ACTR3C: variants seen among roughly 807,000 people sequenced by gnomAD.
The protein encoded by ACTR3C is actin-related protein 3C.
In ACTR3C, 18 loss-of-function variants were observed where a neutral mutation model predicts 26.3. That is an observed-to-expected ratio of 0.68 (90% confidence interval 0.47 to 1.01). The LOEUF is 1.01. Among genes scored for constraint, ACTR3C ranks in the 50% least tolerant of loss-of-function variants. The pLI, the probability that ACTR3C is intolerant of heterozygous loss-of-function variation, is 0.00. For missense variants in ACTR3C, 184 were observed against 250.7 expected (o/e 0.73, Z 1.80); for synonymous variants, 55 against 94.5 (o/e 0.58, Z 2.42).
the ACTR3C span, among the ~76,000 whole-genome samples, chr7:150,144,981 T>C: frequency 0.02 from 2,819 of 144,278 alleles, 53 homozygotes; most frequent in African/African-American, 0.061. The surrounding 1 kb of genome is among the most constrained non-coding windows in gnomAD (Gnocchi z 4.6). Context: ...AGTTGGGAGG[T>C]GGAGCTTGCA....
the ACTR3C span, among the ~76,000 whole-genome samples, chr7:149,971,594 G>A: frequency 6.6e-6 from 1 of 152,252 alleles, no homozygotes; most frequent in Middle Eastern, 3.4e-3. Context: ...AAATGTAGGC[G>A]GTATATAAAC....
the ACTR3C span, chr7:150,047,769 C>A: frequency 2.6e-6 from 4 of 1,516,182 alleles, no homozygotes; most frequent in South Asian, 4.8e-5. Context: ...CCCCTGGCCG[C>A]CCAGGAGGTG....
the ACTR3C span, among the ~76,000 whole-genome samples, chr7:150,231,483 C>G: frequency 1.2e-3 from 186 of 151,502 alleles, no homozygotes; most frequent in Non-Finnish European, 2.3e-3. Flanking sequence ...AACATGCTGG[C>G]TGCCCTTCAC....
chr7:150,040,952 C>G, the ACTR3C span, among the ~76,000 whole-genome samples: 1 of 150,244 alleles, frequency 6.7e-6, no homozygotes, highest in Admixed American at 6.6e-5. Flanking sequence ...CAGTTGCTGC[C>G]AAAGCCCTCA....
At chr7:150,267,974 T>C (rs113260618) in intron 6 of ACTR3C, among the ~76,000 whole-genome samples, 23,257 of 152,078 alleles carry the variant, frequency 0.15, 3,357 homozygotes, top group African/African-American at 0.37. Flanking sequence ...TTTGACTCTA[T>C]ATAAATTATA....
chr7:150,041,674 T>C, the ACTR3C span, among the ~76,000 whole-genome samples: 105 of 42,012 alleles, frequency 2.5e-3, 1 homozygote, highest in African/African-American at 7.3e-3. Context: ...CAGCCGGGGG[T>C]GGAAGAGGGG....
chr7:150,269,696 G>GGA (rs2129610825), intron 6 of ACTR3C, among the ~76,000 whole-genome samples: 1 of 103,580 alleles, frequency 9.7e-6, no homozygotes, highest in South Asian at 4.3e-4. Context: ...GAATGAACGA[G>GGA]GAGCATTTCA....
At chr7:150,098,600 G>A in the ACTR3C span, among the ~76,000 whole-genome samples, 1 of 151,654 alleles carries the variant, frequency 6.6e-6, no homozygotes, top group Non-Finnish European at 1.5e-5. Flanking sequence ...TTGAACTCAG[G>A]AATATACAAA....
intron 1 of ACTR3C, among the ~76,000 whole-genome samples, chr7:150,312,335 A>G (rs56288202): frequency 6.6e-6 from 1 of 152,348 alleles, no homozygotes; most frequent in South Asian, 2.1e-4. Context: ...TCTCCTGCGT[A>G]GGCTCTGCAA....
chr7:149,960,055 A>G, the ACTR3C span, among the ~76,000 whole-genome samples: 4,252 of 151,684 alleles, frequency 0.028, 133 homozygotes, highest in African/African-American at 0.079. Context: ...TCTATCAGGC[A>G]TATGTTTGTA....
chr7:150,193,739 T>C, the ACTR3C span, among the ~76,000 whole-genome samples: 1 of 152,104 alleles, frequency 6.6e-6, no homozygotes, highest in Non-Finnish European at 1.5e-5. Context: ...CTATTGGATA[T>C]TAACTTCTAA....
the ACTR3C span, among the ~76,000 whole-genome samples, chr7:150,216,488 C>T: frequency 1.3e-5 from 2 of 152,172 alleles, no homozygotes; most frequent in African/African-American, 4.8e-5. Flanking sequence ...ATTCCAACTT[C>T]AATGATCTTC....
intron 6 of ACTR3C, among the ~76,000 whole-genome samples, chr7:150,259,259 A>T (rs1833458415): frequency 6.8e-6 from 1 of 147,144 alleles, no homozygotes; most frequent in Non-Finnish European, 1.5e-5. Flanking sequence ...GAAAAGAAAG[A>T]GAAAGAAGAA....
the ACTR3C span, among the ~76,000 whole-genome samples, chr7:150,014,959 T>C: frequency 1.3e-5 from 2 of 152,214 alleles, no homozygotes; most frequent in East Asian, 3.8e-4. Context: ...CACCTTTCCC[T>C]GGATTTTGTT....
At chr7:150,321,937 C>T (rs1034861906) in intron 1 of ACTR3C, among the ~76,000 whole-genome samples, 1 of 152,134 alleles carries the variant, frequency 6.6e-6, no homozygotes, top group African/African-American at 2.4e-5. Flanking sequence ...GGAAGCCTGC[C>T]CCCGGGCCAG....
the ACTR3C span, among the ~76,000 whole-genome samples, chr7:150,233,994 T>C: frequency 1.2e-4 from 18 of 152,204 alleles, no homozygotes; most frequent in Non-Finnish European, 2.2e-4. Flanking sequence ...AGAATCAAGC[T>C]ATATATAATG....
the ACTR3C span, among the ~76,000 whole-genome samples, chr7:150,026,712 T>A: frequency 4.2e-4 from 64 of 152,238 alleles, 1 homozygote; most frequent in African/African-American, 1.5e-3. Context: ...GCTATTTTCC[T>A]TAAGAATTTT....
the ACTR3C span, among the ~76,000 whole-genome samples, chr7:150,101,325 T>G: frequency 2.6e-5 from 4 of 151,784 alleles, 1 homozygote; most frequent in South Asian, 8.3e-4. Flanking sequence ...ATTCTAGATA[T>G]CAGGTTTCCA....
chr7:150,230,769 T>C, the ACTR3C span, among the ~76,000 whole-genome samples: 1 of 152,190 alleles, frequency 6.6e-6, no homozygotes, highest in African/African-American at 2.4e-5. Flanking sequence ...TTTGTGGGCA[T>C]GCAGAGTTGT....
Sources: allele counts gnomAD v4.1 joint callset (sites outside exome capture counted in the v4.1 genomes callset), GRCh38; gene constraint gnomAD v4.1.1; non-coding constraint Gnocchi (gnomAD v3.1); transcripts MANE v1.5; gene names NCBI Gene and HGNC (gene_info 2026-07-23, HGNC 2026-07-21).